The following PAFAH1B2 variants were observed in gnomAD, a reference collection of about 807,000 sequenced individuals.
The protein encoded by PAFAH1B2 is platelet activating factor acetylhydrolase 1b catalytic subunit 2.
PAFAH1B2 carries 8 observed loss-of-function variants against 28.0 expected under a neutral mutation model. The ratio of observed to expected loss-of-function variants is 0.29; its 90% CI spans 0.17 to 0.52. PAFAH1B2 has a LOEUF of 0.52. Ranked by LOEUF, PAFAH1B2 falls within the 20% of genes least tolerant of loss-of-function variation. The pLI is 0.97. For missense variants in PAFAH1B2, 190 were observed against 282.6 expected (o/e 0.67, Z 2.35); for synonymous variants, 104 against 103.2 (o/e 1.01, Z -0.05).
intron 2 of PAFAH1B2, among the ~76,000 whole-genome samples, chr11:117,159,122 C>T (rs1956315676): frequency 6.6e-6 from 1 of 152,134 alleles, no homozygotes; most frequent in Non-Finnish European, 1.5e-5. Flanking sequence ...TATATGTGTT[C>T]ATTGTAATAT....
intron 2 of PAFAH1B2, among the ~76,000 whole-genome samples, chr11:117,156,298 A>C (rs191647416): frequency 1.3e-5 from 2 of 152,374 alleles, no homozygotes; most frequent in South Asian, 2.1e-4. Context: ...CCATTTATCA[A>C]GTACCTAGTG....
downstream of PAFAH1B2, among the ~76,000 whole-genome samples, chr11:117,177,309 C>T (rs2030036714): frequency 6.6e-6 from 1 of 152,104 alleles, no homozygotes; most frequent in African/African-American, 2.4e-5. Flanking sequence ...GAACCACTCA[C>T]AATCCATTAT....
At chr11:117,153,360 A>G (rs1241235527) in intron 2 of PAFAH1B2, among the ~76,000 whole-genome samples, 1 of 108,050 alleles carries the variant, frequency 9.3e-6, no homozygotes, top group Admixed American at 1.0e-4. Context: ...GTCTGTATCT[A>G]TTTTGTTTTA....
In PAFAH1B2 at chr11:117,170,483, G is replaced by A. The variant is rs1591757109; in HGVS notation, c.*2784G>A. 9 of 1,059,902 alleles carry A rather than the reference G, an allele frequency of 8.5e-6. No homozygotes were observed. Among genetic ancestry groups the A allele is most frequent in the Middle Eastern group, 4.2e-4 (1 of 2,388 alleles). The allele number at this position is 1,059,902 out of a possible 1,614,324, so 65.7% of individuals were successfully genotyped here. A position where few individuals can be genotyped will look rare whatever the true frequency, so the allele number is the denominator to read the frequency against. On this transcript the variant is annotated 3_prime_UTR_variant, in exon 6 of 6. Coordinates refer to ENST00000527958, the MANE Select transcript of PAFAH1B2 (RefSeq NM_002572.4). ...TCCAGTCCATGTGTTCTCGGTCGCC[G>A]TAGACAGCGCTCTGGCTACCACCGT...
chr11:117,158,640 CTTT>C (rs11327233), intron 2 of PAFAH1B2, among the ~76,000 whole-genome samples: 23 of 81,796 alleles, frequency 2.8e-4, no homozygotes, highest in Non-Finnish European at 3.2e-4. Context: ...AGTTTGTGGG[CTTT>C]TTTTTTTTTT....
At chr11:117,175,221 A>G, downstream of PAFAH1B2, 1 of 1,096,814 alleles carries the variant, frequency 9.1e-7, no homozygotes, top group Non-Finnish European at 1.1e-6. Flanking sequence ...GGACCTGTGC[A>G]CAAGGCCAGG....
At chr11:117,177,125 C>T (rs1030726510), downstream of PAFAH1B2, among the ~76,000 whole-genome samples, 2 of 152,268 alleles carry the variant, frequency 1.3e-5, no homozygotes, top group African/African-American at 4.8e-5. Flanking sequence ...AGGAGAATTG[C>T]TTGAACCCAG....
At chr11:117,161,748 C>T (rs1956375436) in intron 4 of PAFAH1B2, among the ~76,000 whole-genome samples, 1 of 152,002 alleles carries the variant, frequency 6.6e-6, no homozygotes, top group Admixed American at 6.6e-5. Flanking sequence ...CCTTGTGATC[C>T]ACCCGCTTCG....
downstream of PAFAH1B2, chr11:117,171,715 A>G: frequency 2.6e-6 from 4 of 1,536,006 alleles, no homozygotes; most frequent in Non-Finnish European, 3.5e-6. Context: ...TCCTGATGAC[A>G]CACCAGCAAC....
At chr11:117,155,304 A>G (rs1243372963) in intron 2 of PAFAH1B2, among the ~76,000 whole-genome samples, 2 of 152,260 alleles carry the variant, frequency 1.3e-5, no homozygotes, top group Admixed American at 1.3e-4. Context: ...CAAATAGAAT[A>G]GAAATCGTAT....
downstream of PAFAH1B2, among the ~76,000 whole-genome samples, chr11:117,174,164 T>TTTTGTGTGTG (rs766588493): frequency 4.3e-5 from 6 of 138,808 alleles, no homozygotes; most frequent in Non-Finnish European, 9.3e-5. Context: ...TTCATGTCTT[T>TTTTGTGTGTG]TGTGTGTGTG....
At chr11:117,174,951 T>C, downstream of PAFAH1B2, 1 of 1,514,136 alleles carries the variant, frequency 6.6e-7, no homozygotes, top group Non-Finnish European at 8.8e-7. Context: ...CTGAGCCACC[T>C]GAAGCTTCCT....
chr11:117,175,198 G>A (rs2029906513), downstream of PAFAH1B2: 6 of 1,113,164 alleles, frequency 5.4e-6, no homozygotes, highest in Non-Finnish European at 6.6e-6. Flanking sequence ...TTATGCCAGG[G>A]AATGCGGTAG....
chr11:117,175,221 A>ACAAGGCCAGGAT (rs1326212314), downstream of PAFAH1B2: 1 of 1,096,814 alleles, frequency 9.1e-7, no homozygotes, highest in Non-Finnish European at 1.1e-6. Flanking sequence ...GGACCTGTGC[A>ACAAGGCCAGGAT]CAAGGCCAGG....
chr11:117,174,858 A>C, downstream of PAFAH1B2: 81 of 1,373,714 alleles, frequency 5.9e-5, no homozygotes, highest in Non-Finnish European at 7.2e-5. Flanking sequence ...CAGATGATCC[A>C]ACCGCCTTGG....
chr11:117,171,403 G>T (rs939309891), downstream of PAFAH1B2, among the ~76,000 whole-genome samples: 2 of 152,136 alleles, frequency 1.3e-5, no homozygotes, highest in South Asian at 2.1e-4. Flanking sequence ...TATTGGCCGG[G>T]CTCACGCCTG....
chr11:117,164,347 C>T (rs1956448351), intron 5 of PAFAH1B2, among the ~76,000 whole-genome samples: 1 of 151,650 alleles, frequency 6.6e-6, no homozygotes, highest in Admixed American at 6.6e-5. Context: ...GCAGAGCTTA[C>T]AGTGAGCAGA....
downstream of PAFAH1B2, chr11:117,175,249 CCGA>C: frequency 9.2e-7 from 1 of 1,084,326 alleles, no homozygotes. Context: ...CCCTGAGGCC[CCGA>C]CATCTCCCCT....
downstream of PAFAH1B2, chr11:117,171,661 G>A (rs4936367): frequency 0.86 from 1,305,848 of 1,511,230 alleles, 569,991 homozygotes; most frequent in African/African-American, 0.9. Context: ...CTCAGAGATA[G>A]TGAGACTAGA....
Sources: allele counts gnomAD v4.1 joint callset (sites outside exome capture counted in the v4.1 genomes callset), GRCh38; gene constraint gnomAD v4.1.1; transcripts MANE v1.5; gene names NCBI Gene and HGNC (gene_info 2026-07-23, HGNC 2026-07-21).